Variants in TSG101 observed in about 807,000 individuals in gnomAD.
TSG101 encodes the protein tumor susceptibility gene 101 protein.
In TSG101, 19 loss-of-function variants were observed where a neutral mutation model predicts 48.5. That is an observed-to-expected ratio of 0.39 (90% CI 0.27 to 0.58). The LOEUF (loss-of-function observed/expected upper bound fraction) is 0.58. Ranked by LOEUF, TSG101 falls within the 20% of genes least tolerant of loss-of-function variation. The probability of loss-of-function intolerance (pLI) is 0.55; values close to 1 mark genes in which losing one functional copy is unlikely to be tolerated. For missense variants in TSG101, 365 were observed against 484.4 expected (o/e 0.75, Z 2.31); for synonymous variants, 174 against 169.4 (o/e 1.03, Z -0.21).
chr11:18,484,210 T>C (rs1417157080), intron 7 of TSG101, 138 bp from the exon 8 acceptor site: 2 of 766,348 alleles, frequency 2.6e-6, no homozygotes, highest in East Asian at 5.3e-5. Context: ...TGTTACCAGT[T>C]TCATGAGAAA....
chr11:18,503,172 T>A (rs1849915650), intron 6 of TSG101, among the ~76,000 whole-genome samples: 1 of 152,186 alleles, frequency 6.6e-6, no homozygotes, highest in African/African-American at 2.4e-5. Context: ...CAATCTCTTA[T>A]CTACACACAT....
intron 1 of TSG101, among the ~76,000 whole-genome samples, chr11:18,522,047 G>C (rs1487814634): frequency 2.6e-5 from 4 of 152,094 alleles, no homozygotes; most frequent in Non-Finnish European, 2.9e-5. Context: ...CTCTGTGCCT[G>C]TGCCTTCTCA....
Position 18,496,442 on chromosome 11 carries a change from AAAAATAAAATAAAATAAAATAAAAT to A in TSG101, c.640+6019_640+6043del, listed in dbSNP as rs201480350. On this transcript the variant is annotated intron_variant, in intron 7 of 9. Transcript: ENST00000251968. The stretch of plus-strand genomic sequence containing the variant: ...GGGTGGCAGAGCGAAACTCTGTCTC[AAAAATAAAATAAAATAAAATAAAAT>A]AAAATAAAATAAAATAAAATAAAAT... 3.0e-3 allele frequency among the ~76,000 whole-genome samples: 333 copies of A among 110,186 alleles called. 4 individuals carry two copies. Among genetic ancestry groups the A allele is most frequent in the East Asian group, 8.6e-3 (24 of 2,804 alleles). The allele number at this position is 110,186 out of a possible 152,430, so 72.3% of individuals were successfully genotyped here. A position where few individuals can be genotyped will look rare whatever the true frequency, so the allele number is the denominator to read the frequency against.
chr11:18,500,583 G>C (rs1420276761), intron 7 of TSG101, among the ~76,000 whole-genome samples: 2 of 152,066 alleles, frequency 1.3e-5, no homozygotes, highest in Non-Finnish European at 2.9e-5. Context: ...GATGATGAGT[G>C]ATATTGAGCA....
intron 6 of TSG101, among the ~76,000 whole-genome samples, chr11:18,502,905 G>A (rs867196227): frequency 2.0e-5 from 3 of 152,136 alleles, no homozygotes; most frequent in Admixed American, 6.5e-5. Context: ...GAACTTTTCC[G>A]ATTTCTCAGT....
chr11:18,524,569 C>CTA (rs1292810105), intron 1 of TSG101, among the ~76,000 whole-genome samples: 2 of 152,226 alleles, frequency 1.3e-5, no homozygotes, highest in Non-Finnish European at 2.9e-5. Context: ...TCTTACCTGT[C>CTA]TAAAATTCAT....
intron 7 of TSG101, among the ~76,000 whole-genome samples, chr11:18,485,717 G>A (rs1436120852): frequency 6.6e-6 from 1 of 152,208 alleles, no homozygotes; most frequent in Non-Finnish European, 1.5e-5. Flanking sequence ...AACTGCTGAA[G>A]CTCTACTGCT....
chr11:18,493,733 C>A (rs1463131705), intron 7 of TSG101, among the ~76,000 whole-genome samples: 2 of 152,130 alleles, frequency 1.3e-5, no homozygotes, highest in African/African-American at 4.8e-5. Context: ...AAACAAAAAA[C>A]AGGTCTATCT....
chr11:18,497,550 TA>T (rs143627574), intron 7 of TSG101, among the ~76,000 whole-genome samples: 52 of 152,046 alleles, frequency 3.4e-4, no homozygotes, highest in African/African-American at 1.2e-3. Context: ...ATCTAAGCTA[TA>T]AAAAAATGCT....
chr11:18,481,324 A>C (rs1849535786), intron 9 of TSG101: 1 of 985,332 alleles, frequency 1.0e-6, no homozygotes, highest in Non-Finnish European at 1.2e-6. Flanking sequence ...ATGACCTCAA[A>C]GAACCAATGG....
At chr11:18,491,851 G>A (rs1471459480) in intron 7 of TSG101, among the ~76,000 whole-genome samples, 1 of 152,150 alleles carries the variant, frequency 6.6e-6, no homozygotes, top group Admixed American at 6.5e-5. Flanking sequence ...CATATAAAAA[G>A]GCAACACATC....
At chr11:18,513,912 T>C (rs1451703258) in intron 4 of TSG101, among the ~76,000 whole-genome samples, 1 of 152,146 alleles carries the variant, frequency 6.6e-6, no homozygotes, top group Non-Finnish European at 1.5e-5. Context: ...CCACCTCTAC[T>C]AAATACTAAA....
intron 8 of TSG101, among the ~76,000 whole-genome samples, chr11:18,483,411 G>A (rs1246837750): frequency 1.3e-5 from 2 of 150,164 alleles, no homozygotes; most frequent in East Asian, 2.0e-4. Flanking sequence ...CAGGAGAATC[G>A]CTTGAACCTG....
At chr11:18,484,889 A>G (rs1344307910) in intron 7 of TSG101, among the ~76,000 whole-genome samples, 3 of 151,728 alleles carry the variant, frequency 2.0e-5, no homozygotes, top group African/African-American at 7.3e-5. Flanking sequence ...GTTTGATTAT[A>G]AAATACTACG....
At chr11:18,482,419 T>A (rs1364322572) in intron 8 of TSG101, among the ~76,000 whole-genome samples, 1 of 152,218 alleles carries the variant, frequency 6.6e-6, no homozygotes, top group Non-Finnish European at 1.5e-5. Context: ...CTAGAACCAC[T>A]TTGTAAGGCT....
At chr11:18,515,854 T>C (rs1018360041) in intron 3 of TSG101, among the ~76,000 whole-genome samples, 2 of 152,212 alleles carry the variant, frequency 1.3e-5, no homozygotes, top group African/African-American at 2.4e-5. Context: ...TTTGATTCAG[T>C]GAAACATTAA....
At chr11:18,495,296 C>G (rs1040497398) in intron 7 of TSG101, among the ~76,000 whole-genome samples, 1 of 152,190 alleles carries the variant, frequency 6.6e-6, no homozygotes, top group Non-Finnish European at 1.5e-5. Flanking sequence ...TAAACTGCAA[C>G]TACTGAAAGG....
In TSG101 at chr11:18,524,058, T is replaced by C. The variant is rs1165020230; in HGVS notation, c.42+2717A>G. Among the ~76,000 whole-genome samples the C allele has an allele frequency of 5.9e-5, 9 of 152,000 alleles. No homozygotes were observed. The East Asian group carries it at 7.8e-4, about 13-fold the overall frequency. On this transcript the variant is annotated intron_variant, in intron 1 of 9. Transcript: ENST00000251968. ...TCTCCCATCTCTACCTCCCAAAGTA[T>C]TGGGATTACAGGCATGAGCCACCAC...
intron 6 of TSG101, among the ~76,000 whole-genome samples, chr11:18,506,501 G>A (rs1255051701): frequency 6.6e-6 from 1 of 151,824 alleles, no homozygotes; most frequent in Admixed American, 6.6e-5. Flanking sequence ...GACCAGCCTG[G>A]CCAACATGGT....
Sources: gnomAD v4.1 joint callset for allele counts (sites outside exome capture counted in the v4.1 genomes callset) on GRCh38, gnomAD v4.1.1 for gene constraint, MANE v1.5 for transcripts, NCBI Gene and HGNC (gene_info 2026-07-23, HGNC 2026-07-21) for gene names.